The following RAB3GAP1 variants were observed in gnomAD, a reference collection of about 807,000 sequenced individuals.
RAB3GAP1 encodes the protein rab3 GTPase-activating protein catalytic subunit.
A neutral mutation model predicts 130.7 loss-of-function variants in RAB3GAP1; 86 were observed. The ratio of observed to expected loss-of-function variants is 0.66; its 90% CI spans 0.55 to 0.79. The LOEUF is 0.79. Among genes scored for constraint, RAB3GAP1 ranks in the 30% least tolerant of loss-of-function variants. The pLI is 0.00. For missense variants in RAB3GAP1, 1,029 were observed against 1,169.4 expected (o/e 0.88, Z 1.75); for synonymous variants, 367 against 401.7 (o/e 0.91, Z 1.03).
chr2:135,126,780 A>G, intron 11 of RAB3GAP1, 124 bp downstream of exon 11: 2 of 831,668 alleles, frequency 2.4e-6, no homozygotes, highest in South Asian at 2.7e-5. Context: ...GAAAAAAATC[A>G]TTGCCAATAG....
chr2:135,132,770 G>A, intron 13 of RAB3GAP1, 125 bp from the exon 14 acceptor site: 1 of 674,118 alleles, frequency 1.5e-6, no homozygotes, highest in Non-Finnish European at 2.7e-6. Flanking sequence ...CAATACAACT[G>A]GAACATTTCT....
rs772030076 is a variant in RAB3GAP1, at chr2:135,115,266, T to C, written c.533T>C (p.Val178Ala). 1 of 1,613,158 alleles carries C rather than the reference T, an allele frequency of 6.2e-7. No individual in the cohort carries two copies. The highest frequency in any genetic ancestry group is 2.2e-5 in the East Asian group (1 of 44,842). ...CACCACAAATGGCGAAGAATGTATG[T>C]AGGAGAATGTCAAGGTCCTGGTGTA... ...QIHHKWRRMY[V>A]GECQGPGVRT... The change falls in exon 7 of 24, where the codon GTA (valine) becomes GCA (alanine). Residue 178 changes from valine (V) to alanine (A), a missense_variant. Around this residue, in one of 3 missense-constraint regions of RAB3GAP1, gnomAD observed 510 missense variants for 532.1 expected, o/e 0.96. Transcript: ENST00000264158.
intron 17 of RAB3GAP1, among the ~76,000 whole-genome samples, chr2:135,145,692 AT>A (rs1691972648): frequency 6.6e-6 from 1 of 152,210 alleles, no homozygotes; most frequent in African/African-American, 2.4e-5. Context: ...AGTGATTAAC[AT>A]AATGTCTAAT....
chr2:135,062,988 C>A (rs1689220323), intron 3 of RAB3GAP1, among the ~76,000 whole-genome samples: 1 of 152,118 alleles, frequency 6.6e-6, no homozygotes, highest in Non-Finnish European at 1.5e-5. Context: ...ACTTTCTTTC[C>A]AATTTTTATA....
intron 17 of RAB3GAP1, among the ~76,000 whole-genome samples, chr2:135,149,209 TAGAA>T (rs1213113018): frequency 2.6e-5 from 4 of 152,194 alleles, no homozygotes; most frequent in Non-Finnish European, 5.9e-5. Flanking sequence ...CCCTTCTTAA[TAGAA>T]AGAATGAAGG....
chr2:135,090,932 C>A, intron 3 of RAB3GAP1, 66 bp from the exon 4 acceptor site: 1 of 1,436,488 alleles, frequency 7.0e-7, no homozygotes, highest in Non-Finnish European at 9.8e-7. Context: ...ATATCCCTGT[C>A]GTTAGTAAAT....
chr2:135,127,142 TGA>T (rs1479359754), intron 11 of RAB3GAP1, among the ~76,000 whole-genome samples: 2 of 151,702 alleles, frequency 1.3e-5, no homozygotes, highest in Admixed American at 6.6e-5. Context: ...CCCAAAGTGC[TGA>T]GATTACAGGC....
At position 135,054,160 on chromosome 2, in the gene RAB3GAP1, C is replaced by T. The variant is rs143922841; in HGVS notation, c.74+1675C>T. On this transcript the variant is annotated intron_variant, in intron 2 of 23. Transcript: ENST00000264158. ...CCAGTGATTCTCATACTTTAATGTACATCAGAGTCTTAGATTGCTGGGCCC... is the reference window on the plus strand; with the variant it reads ...CCAGTGATTCTCATACTTTAATGTATATCAGAGTCTTAGATTGCTGGGCCC... Among the ~76,000 whole-genome samples, 220 of 152,314 alleles carry T rather than the reference C, an allele frequency of 1.4e-3. 1 individual carries two copies. Among genetic ancestry groups the T allele is most frequent in the African/African-American group, 5.1e-3 (213 of 41,564 alleles).
At chr2:135,087,326 A>G (rs1451085635) in intron 3 of RAB3GAP1, among the ~76,000 whole-genome samples, 1 of 152,222 alleles carries the variant, frequency 6.6e-6, no homozygotes, top group Non-Finnish European at 1.5e-5. Flanking sequence ...TGTTAAAATC[A>G]GGTAGTATAC....
downstream of RAB3GAP1, among the ~76,000 whole-genome samples, chr2:135,173,453 T>C (rs1467838079): frequency 6.6e-6 from 1 of 152,080 alleles, no homozygotes; most frequent in Non-Finnish European, 1.5e-5. Context: ...TGGGAATTGA[T>C]CAATTGTGTC....
chr2:135,110,278 C>T (rs186861060), intron 5 of RAB3GAP1, among the ~76,000 whole-genome samples: 4 of 152,132 alleles, frequency 2.6e-5, no homozygotes, highest in Admixed American at 6.5e-5. Context: ...GGACTACAGG[C>T]GCTCTCCACC....
rs372039132 is a variant in RAB3GAP1 at position 135,126,682 on chromosome 2, G to A, written c.973+26G>A. ...GTAAGGTATATTATGCTCCTTTCCTGAAATACTGCTGATCTGCCTAACTTC... is the reference window on the plus strand; with the variant it reads ...GTAAGGTATATTATGCTCCTTTCCTAAAATACTGCTGATCTGCCTAACTTC... On this transcript the variant is annotated intron_variant, in intron 11 of 23. Transcript: ENST00000264158. 3.1e-5 allele frequency: 49 copies of A among 1,557,026 alleles called. No individual in the cohort carries two copies. The African/African-American group carries it at 6.5e-4, about 21-fold the overall frequency.
intron 19 of RAB3GAP1, among the ~76,000 whole-genome samples, chr2:135,154,737 A>T (rs1395787934): frequency 6.6e-6 from 1 of 152,214 alleles, no homozygotes; most frequent in Non-Finnish European, 1.5e-5. Context: ...AGGGACTTGA[A>T]TGTAAACAGG....
intron 14 of RAB3GAP1, 93 bp from the exon 15 acceptor site, chr2:135,133,768 T>G: frequency 5.3e-6 from 6 of 1,135,214 alleles, no homozygotes; most frequent in Non-Finnish European, 6.6e-6. Flanking sequence ...TAGGTTAATT[T>G]TACAATTAAA....
intron 22 of RAB3GAP1, among the ~76,000 whole-genome samples, chr2:135,164,064 A>G (rs981312452): frequency 2.0e-5 from 3 of 152,256 alleles, no homozygotes; most frequent in South Asian, 2.1e-4. Context: ...TAGTTCCACC[A>G]TACGTTATCT....
At chr2:135,074,991 G>GGAGA (rs1296086604) in intron 3 of RAB3GAP1, among the ~76,000 whole-genome samples, 1 of 152,118 alleles carries the variant, frequency 6.6e-6, no homozygotes, top group Non-Finnish European at 1.5e-5. Context: ...CCCCACCTGG[G>GGAGA]ACCCCTTCCT....
chr2:135,165,659 C>T (rs1558807498), intron 23 of RAB3GAP1, among the ~76,000 whole-genome samples: 1 of 152,078 alleles, frequency 6.6e-6, no homozygotes, highest in Non-Finnish European at 1.5e-5. Flanking sequence ...AATTAATAAC[C>T]AAATATTTAT....
chr2:135,120,996 A>T (rs111925495), intron 8 of RAB3GAP1, 78 bp downstream of exon 8: 3 of 1,063,202 alleles, frequency 2.8e-6, no homozygotes, highest in Admixed American at 3.4e-5. Context: ...AAAATTACTT[A>T]ACAAGAGTTT....
At chr2:135,155,697 C>A (rs1294121539) in intron 19 of RAB3GAP1, among the ~76,000 whole-genome samples, 2 of 151,948 alleles carry the variant, frequency 1.3e-5, no homozygotes, top group African/African-American at 4.8e-5. Flanking sequence ...AACATATGAA[C>A]CTATAGGCTA....
Sources: allele counts gnomAD v4.1 joint callset (sites outside exome capture counted in the v4.1 genomes callset), GRCh38; gene constraint gnomAD v4.1.1; regional missense constraint gnomAD v4.1.1; transcripts MANE v1.5; gene names NCBI Gene and HGNC (gene_info 2026-07-23, HGNC 2026-07-21).